Variants in ZFAND3 observed in about 807,000 individuals in gnomAD.
ZFAND3 encodes the protein zinc finger AN1-type containing 3, also known as AN1-type zinc finger protein 3.
In ZFAND3, 10 loss-of-function variants were observed where a neutral mutation model predicts 29.6. The observed-to-expected ratio is 0.34, with a 90% CI of 0.21 to 0.57. ZFAND3 has a LOEUF of 0.57. Ranked by LOEUF, ZFAND3 falls within the 20% of genes least tolerant of loss-of-function variation. The probability of loss-of-function intolerance (pLI) is 0.86; values close to 1 mark genes in which losing one functional copy is unlikely to be tolerated. For missense variants in ZFAND3, 230 were observed against 304.5 expected (o/e 0.76, Z 1.82); for synonymous variants, 128 against 112.6 (o/e 1.14, Z -0.87).
intron 2 of ZFAND3, among the ~76,000 whole-genome samples, chr6:38,013,777 G>A (rs768137214): frequency 1.1e-4 from 17 of 151,844 alleles, no homozygotes; most frequent in East Asian, 3.9e-4. Flanking sequence ...CCTCATACAC[G>A]TGGAATCAAA....
intron 1 of ZFAND3, among the ~76,000 whole-genome samples, chr6:37,864,767 A>ATG (rs1764557612): frequency 6.8e-6 from 1 of 147,886 alleles, no homozygotes; most frequent in South Asian, 2.2e-4. Context: ...ACACACACAC[A>ATG]CACATGCACA....
intron 4 of ZFAND3, among the ~76,000 whole-genome samples, chr6:38,098,293 C>A (rs558300132): frequency 1.3e-5 from 2 of 152,082 alleles, no homozygotes; most frequent in African/African-American, 2.4e-5. Flanking sequence ...ACTACAGGTG[C>A]ATGCCACCGT....
At chr6:37,868,556 AG>A (rs1340984402) in intron 1 of ZFAND3, among the ~76,000 whole-genome samples, 1 of 152,160 alleles carries the variant, frequency 6.6e-6, no homozygotes, top group East Asian at 1.9e-4. Flanking sequence ...TGCTGTGTTA[AG>A]GTTTCTGTCT....
intron 1 of ZFAND3, among the ~76,000 whole-genome samples, chr6:37,927,283 T>C (rs1163513729): frequency 6.6e-6 from 1 of 152,228 alleles, no homozygotes; most frequent in Non-Finnish European, 1.5e-5. Flanking sequence ...TGCCAAGTTA[T>C]CCTCTGAAGG....
intron 2 of ZFAND3, among the ~76,000 whole-genome samples, chr6:37,977,755 T>C (rs1377935416): frequency 6.6e-6 from 1 of 151,638 alleles, no homozygotes; most frequent in Admixed American, 6.6e-5. Context: ...CCCCCTTTTA[T>C]TTCTGGTTTG....
intron 1 of ZFAND3, among the ~76,000 whole-genome samples, chr6:37,849,797 C>T (rs113588184): frequency 0.016 from 2,380 of 152,284 alleles, 47 homozygotes; most frequent in African/African-American, 0.053. Flanking sequence ...AGCAGATGGA[C>T]TTCCTAGAAC....
intron 5 of ZFAND3, among the ~76,000 whole-genome samples, chr6:38,140,513 A>G (rs926496779): frequency 4.6e-5 from 7 of 152,164 alleles, no homozygotes; most frequent in Non-Finnish European, 8.8e-5. Flanking sequence ...GTTTTGAGAC[A>G]GGGTCTTGGT....
intron 1 of ZFAND3, among the ~76,000 whole-genome samples, chr6:37,884,925 C>T (rs1764962468): frequency 6.6e-6 from 1 of 152,242 alleles, no homozygotes; most frequent in African/African-American, 2.4e-5. Context: ...TATTTTCCCT[C>T]CACCTTCAAA....
Position 38,144,196 on chromosome 6 carries a change from TA to T in ZFAND3, c.530-8038del, listed in dbSNP as rs1562015826. On this transcript the variant is annotated intron_variant, in intron 5 of 5. Transcript: ENST00000287218. Reference sequence around the variant, plus strand: ...GATATATATATATAATATATATATATATATATATATATATAATATATAATAT... The same window carrying T: ...GATATATATATATAATATATATATATTATATATATATATAATATATAATAT... Among the ~76,000 whole-genome samples, 245 of 41,084 alleles carry T rather than the reference TA, an allele frequency of 6.0e-3. 16 individuals are homozygous for T. The highest frequency in any genetic ancestry group is 0.022 in the African/African-American group (202 of 9,310). 27.0% of individuals were successfully genotyped at this position (41,084 alleles called of 152,430 possible).
intron 1 of ZFAND3, among the ~76,000 whole-genome samples, chr6:37,838,051 A>G (rs374094843): frequency 3.0e-4 from 46 of 152,314 alleles, no homozygotes; most frequent in African/African-American, 9.4e-4. Flanking sequence ...CAGGGCTGCA[A>G]TCTGGGTGGT....
intron 4 of ZFAND3, among the ~76,000 whole-genome samples, chr6:38,091,470 A>G (rs1454633398): frequency 1.8e-4 from 20 of 109,298 alleles, no homozygotes. Context: ...TTGAAACTTT[A>G]GGATTTTTTT....
intron 5 of ZFAND3, among the ~76,000 whole-genome samples, chr6:38,117,547 C>A (rs1244294167): frequency 6.6e-6 from 1 of 152,086 alleles, no homozygotes; most frequent in Non-Finnish European, 1.5e-5. Context: ...TTACAGTTTC[C>A]TGTACTTGTT....
intron 3 of ZFAND3, among the ~76,000 whole-genome samples, chr6:38,073,435 A>C (rs991649778): frequency 6.6e-6 from 1 of 152,150 alleles, no homozygotes; most frequent in African/African-American, 2.4e-5. Flanking sequence ...AAATGATGCA[A>C]ATCTAGAAAT....
chr6:38,117,054 C>G (rs142390764), intron 5 of ZFAND3, among the ~76,000 whole-genome samples: 2 of 152,094 alleles, frequency 1.3e-5, no homozygotes, highest in African/African-American at 4.8e-5. Context: ...TTTCTTCTCA[C>G]GACTTCAGAA....
intron 2 of ZFAND3, among the ~76,000 whole-genome samples, chr6:37,940,720 A>G (rs567508435): frequency 6.6e-6 from 1 of 152,354 alleles, no homozygotes; most frequent in African/African-American, 2.4e-5. Flanking sequence ...AGAAAGAGAG[A>G]GTGACAATTT....
chr6:38,152,468 C>T lies in ZFAND3; in HGVS notation c.*79C>T. The T allele has an allele frequency of 2.1e-6, 3 of 1,459,560 alleles. No homozygotes were observed. The highest frequency in any genetic ancestry group is 2.7e-6 in the Non-Finnish European group (3 of 1,106,960). The allele number at this position is 1,459,560 out of a possible 1,614,324, so 90.4% of individuals were successfully genotyped here. A position where few individuals can be genotyped will look rare whatever the true frequency, so the allele number is the denominator to read the frequency against. ...TATTTAGGACAAAGTCAGCCAGACACCTTGTACTGGGCACGCGTCAGACTG... is the reference window on the plus strand; with the variant it reads ...TATTTAGGACAAAGTCAGCCAGACATCTTGTACTGGGCACGCGTCAGACTG... On this transcript the variant is annotated 3_prime_UTR_variant, in exon 6 of 6. Transcript: ENST00000287218.
chr6:38,023,207 G>A (rs892610020), intron 2 of ZFAND3, among the ~76,000 whole-genome samples: 1 of 152,158 alleles, frequency 6.6e-6, no homozygotes, highest in Non-Finnish European at 1.5e-5. Flanking sequence ...TTATCCTTCC[G>A]ATAGGTTTTT....
At chr6:38,059,877 A>G (rs1764201135) in intron 2 of ZFAND3, among the ~76,000 whole-genome samples, 1 of 152,198 alleles carries the variant, frequency 6.6e-6, no homozygotes, top group Non-Finnish European at 1.5e-5. Context: ...CTCTGTCTCA[A>G]GAAAAAAAGA....
chr6:38,070,882 T>C (rs943034175), intron 3 of ZFAND3, among the ~76,000 whole-genome samples: 1 of 151,976 alleles, frequency 6.6e-6, no homozygotes, highest in Non-Finnish European at 1.5e-5. Context: ...TTTTAATAAG[T>C]TGGGCAAAAG....
Sources: gnomAD v4.1 joint callset for allele counts (sites outside exome capture counted in the v4.1 genomes callset) on GRCh38, gnomAD v4.1.1 for gene constraint, MANE v1.5 for transcripts, NCBI Gene and HGNC (gene_info 2026-07-23, HGNC 2026-07-21) for gene names.